Variants in TMEM163 observed in about 807,000 individuals in gnomAD.
TMEM163 encodes transmembrane protein 163.
TMEM163 carries 17 observed loss-of-function variants against 29.3 expected under a neutral mutation model. The observed-to-expected ratio is 0.58, with a 90% confidence interval of 0.40 to 0.87. The LOEUF (loss-of-function observed/expected upper bound fraction) is 0.87. TMEM163 is among the 40% of genes least tolerant of loss of function. TMEM163 has a pLI of 0.00. For synonymous variants in TMEM163, 157 were observed against 160.6 expected (o/e 0.98, Z 0.17); for missense variants, 303 against 381.5 (o/e 0.79, Z 1.71).
chr2:134,476,533 C>T (rs1264022875), intron 5 of TMEM163, among the ~76,000 whole-genome samples: 2 of 152,184 alleles, frequency 1.3e-5, no homozygotes, highest in African/African-American at 4.8e-5. Context: ...GTGATAATTA[C>T]TGACATTTAC....
intron 2 of TMEM163, among the ~76,000 whole-genome samples, chr2:134,600,872 T>G (rs1394164671): frequency 6.6e-6 from 1 of 152,108 alleles, no homozygotes; most frequent in African/African-American, 2.4e-5. Flanking sequence ...CCCTCACCCA[T>G]GAGAGAGGGC....
At chr2:134,594,908 G>C (rs1682033010) in intron 2 of TMEM163, among the ~76,000 whole-genome samples, 1 of 149,526 alleles carries the variant, frequency 6.7e-6, no homozygotes, top group Admixed American at 6.7e-5. Flanking sequence ...CTCTCTCTCA[G>C]AAGAAAAAAG....
At chr2:134,673,097 C>T (rs943518819) in intron 2 of TMEM163, among the ~76,000 whole-genome samples, 1 of 152,184 alleles carries the variant, frequency 6.6e-6, no homozygotes, top group Non-Finnish European at 1.5e-5. Flanking sequence ...TGATGAATAT[C>T]ATCATGGACC....
At chr2:134,553,376 T>A (rs1275915616) in intron 2 of TMEM163, among the ~76,000 whole-genome samples, 3 of 152,206 alleles carry the variant, frequency 2.0e-5, no homozygotes, top group African/African-American at 7.2e-5. Flanking sequence ...GGAGGGCACC[T>A]GATCCACTGT....
chr2:134,687,146 T>C (rs1684367095), intron 2 of TMEM163, among the ~76,000 whole-genome samples: 1 of 152,186 alleles, frequency 6.6e-6, no homozygotes, highest in South Asian at 2.1e-4. Flanking sequence ...ACTTGCAAGA[T>C]GGCCAGAAAT....
rs572147856 is a variant in TMEM163, at chr2:134,460,216, G to A, written c.668-2043C>T. Reference sequence around the variant, plus strand: ...CAGACTCTCCCGCAGGAAAGCCCCCGTCACGGGCTCAAATCCCACCAGACC... The same window carrying A: ...CAGACTCTCCCGCAGGAAAGCCCCCATCACGGGCTCAAATCCCACCAGACC... On this transcript the variant is annotated intron_variant, in intron 6 of 7. Transcript: ENST00000281924. This position sits in a 1 kb window ranked among gnomAD's most constrained non-coding sequence, Gnocchi z 4.3. 8.0e-4 allele frequency among the ~76,000 whole-genome samples: 121 copies of A among 151,800 alleles called. No homozygotes were observed. Among genetic ancestry groups the A allele is most frequent in the African/African-American group, 2.2e-3 (92 of 41,378 alleles).
intron 2 of TMEM163, among the ~76,000 whole-genome samples, chr2:134,591,779 C>T (rs1204537415): frequency 6.6e-6 from 1 of 152,120 alleles, no homozygotes. Flanking sequence ...CGTCAAATGC[C>T]ATCACTTAAA....
chr2:134,601,899 G>T (rs1558960457), intron 2 of TMEM163, among the ~76,000 whole-genome samples: 1 of 152,172 alleles, frequency 6.6e-6, no homozygotes, highest in South Asian at 2.1e-4. Flanking sequence ...TCACTTAAAA[G>T]GTGAGATTGT....
chr2:134,555,833 G>A (rs950703345), intron 2 of TMEM163, among the ~76,000 whole-genome samples: 6 of 152,184 alleles, frequency 3.9e-5, no homozygotes, highest in Admixed American at 3.9e-4. Context: ...TCCCATAAGA[G>A]CATCCTGATT....
At chr2:134,673,640 T>C (rs1447634174) in intron 2 of TMEM163, among the ~76,000 whole-genome samples, 6 of 151,914 alleles carry the variant, frequency 3.9e-5, no homozygotes, top group Non-Finnish European at 8.8e-5. Flanking sequence ...AACAGCAAGG[T>C]AGGAGAGTGG....
chr2:134,594,118 C>T (rs1375847188), intron 2 of TMEM163, among the ~76,000 whole-genome samples: 1 of 152,156 alleles, frequency 6.6e-6, no homozygotes, highest in Non-Finnish European at 1.5e-5. Flanking sequence ...ACTTCCCCAC[C>T]TTACCCAGCA....
chr2:134,698,270 C>T (rs1336581481), intron 2 of TMEM163, among the ~76,000 whole-genome samples: 4 of 152,180 alleles, frequency 2.6e-5, no homozygotes, highest in South Asian at 4.1e-4. Context: ...CATGAACTAC[C>T]GTCTTGGATT....
At chr2:134,530,710 CA>C (rs1680398229) in intron 4 of TMEM163, among the ~76,000 whole-genome samples, 1 of 152,160 alleles carries the variant, frequency 6.6e-6, no homozygotes, top group African/African-American at 2.4e-5. Flanking sequence ...TTCTTTAACT[CA>C]GTAACATATG....
intron 2 of TMEM163, among the ~76,000 whole-genome samples, chr2:134,695,632 C>T (rs1363076580): frequency 6.6e-6 from 1 of 152,162 alleles, no homozygotes; most frequent in Non-Finnish European, 1.5e-5. Flanking sequence ...ATAGTGTTTT[C>T]TGTGCCCAAA....
chr2:134,528,544 G>A (rs1680344080), intron 4 of TMEM163, among the ~76,000 whole-genome samples: 1 of 152,142 alleles, frequency 6.6e-6, no homozygotes, highest in African/African-American at 2.4e-5. Flanking sequence ...CTAAACTCTG[G>A]TTAGACAAAC....
chr2:134,639,875 T>A (rs575439772), intron 2 of TMEM163, among the ~76,000 whole-genome samples: 5 of 152,202 alleles, frequency 3.3e-5, no homozygotes, highest in Non-Finnish European at 7.3e-5. Context: ...TATTGTCAGG[T>A]CAGTAATAGC....
At position 134,460,056 on chromosome 2, in the gene TMEM163, G is replaced by A. The variant is rs924141848; in HGVS notation, c.668-1883C>T. On this transcript the variant is annotated intron_variant, in intron 6 of 7. Transcript: ENST00000281924. This position sits in a 1 kb window ranked among gnomAD's most constrained non-coding sequence, Gnocchi z 4.3. ...CCCTTACACCACCAACCTGCCCCTC[G>A]AGCCCCTTGCCAGATGTTACCCCCC... Among the ~76,000 whole-genome samples the A allele has an allele frequency of 6.9e-6, 1 of 144,990 alleles. No homozygotes were observed. Among genetic ancestry groups the A allele is most frequent in the Non-Finnish European group, 1.5e-5 (1 of 67,254 alleles).
At chr2:134,506,891 A>T (rs748657504) in intron 4 of TMEM163, among the ~76,000 whole-genome samples, 1 of 152,234 alleles carries the variant, frequency 6.6e-6, no homozygotes, top group African/African-American at 2.4e-5. Context: ...TGGCCTGGCC[A>T]GTAACAAGGG....
chr2:134,485,242 A>C (rs1679281962), intron 5 of TMEM163, among the ~76,000 whole-genome samples: 1 of 152,250 alleles, frequency 6.6e-6, no homozygotes, highest in Non-Finnish European at 1.5e-5. Context: ...GTTGGTCAAA[A>C]TCATCTAACA....
Sources: allele counts gnomAD v4.1 joint callset (sites outside exome capture counted in the v4.1 genomes callset), GRCh38; gene constraint gnomAD v4.1.1; non-coding constraint Gnocchi (gnomAD v3.1); transcripts MANE v1.5; gene names NCBI Gene and HGNC (gene_info 2026-07-23, HGNC 2026-07-21).